The following RNF6 variants were observed in gnomAD, a reference collection of about 807,000 sequenced individuals.
RNF6 encodes the protein E3 ubiquitin-protein ligase RNF6.
Under a neutral mutation model 50.1 loss-of-function variants are expected in RNF6, and 21 were observed. The observed-to-expected ratio is 0.42, with a 90% CI of 0.30 to 0.60. The LOEUF (loss-of-function observed/expected upper bound fraction) is 0.60, where lower values mean the gene tolerates loss of function less well. RNF6 is among the 20% of genes least tolerant of loss of function. RNF6 has a pLI of 0.20. For synonymous variants in RNF6, 255 were observed against 291.8 expected, an observed-to-expected ratio of 0.87 and a Z score of 1.29; for missense variants, 698 against 838.2, an observed-to-expected ratio of 0.83 and a Z score of 2.07.
intron 5 of RNF6, among the ~76,000 whole-genome samples, chr13:26,161,800 G>A (rs891297255): frequency 2.6e-5 from 4 of 152,140 alleles, no homozygotes; most frequent in South Asian, 2.1e-4. Context: ...TCACCTCAAC[G>A]CACTCTTCCC....
intron 5 of RNF6, among the ~76,000 whole-genome samples, chr13:26,164,768 A>G (rs1318704607): frequency 1.3e-5 from 2 of 152,058 alleles, no homozygotes; most frequent in African/African-American, 4.8e-5. Flanking sequence ...CCCACGTATT[A>G]CTGTTTATTT....
chr13:26,221,771 G>A (rs182805743), intron 1 of RNF6: 1 of 152,322 alleles, frequency 6.6e-6, no homozygotes, highest in African/African-American at 2.4e-5. Flanking sequence ...GGCTCAAGAG[G>A]CCCAACCAAC....
At chr13:26,188,582 C>G (rs1873662090) in intron 5 of RNF6, among the ~76,000 whole-genome samples, 1 of 140,602 alleles carries the variant, frequency 7.1e-6, no homozygotes, top group Non-Finnish European at 1.5e-5. Context: ...CAGCTGTTCT[C>G]TCCCTTTTAG....
intron 5 of RNF6, among the ~76,000 whole-genome samples, chr13:26,137,093 C>A (rs1367290170): frequency 6.6e-6 from 1 of 152,122 alleles, no homozygotes; most frequent in Non-Finnish European, 1.5e-5. Flanking sequence ...TCCCAAAGAT[C>A]CATTACTGGA....
intron 5 of RNF6, among the ~76,000 whole-genome samples, chr13:26,153,160 GA>G (rs71080233): frequency 1.4e-5 from 2 of 146,166 alleles, no homozygotes; most frequent in East Asian, 2.0e-4. Context: ...CTCAAGAAAA[GA>G]AAAAAAAAAG....
At chr13:26,188,424 G>A (rs1226080017) in intron 5 of RNF6, among the ~76,000 whole-genome samples, 1 of 152,120 alleles carries the variant, frequency 6.6e-6, no homozygotes, top group African/African-American at 2.4e-5. Context: ...ACTGATCACT[G>A]TTGAATAACT....
intron 5 of RNF6, among the ~76,000 whole-genome samples, chr13:26,132,912 G>T (rs1015391855): frequency 6.6e-6 from 1 of 151,914 alleles, no homozygotes; most frequent in Admixed American, 6.6e-5. Context: ...TTTTTCTTTG[G>T]TGGTTCTGCG....
In RNF6 at chr13:26,214,555, G is replaced by A. The variant is rs1869629075; in HGVS notation, c.1327C>T (p.Arg443Ter). 3 of 1,614,098 alleles carry A rather than the reference G, an allele frequency of 1.9e-6. No homozygotes were observed. The highest frequency in any genetic ancestry group is 1.1e-5 in the South Asian group (1 of 91,068). Reference protein sequence around the residue: ...TIESNSGGFRRTISRLERSGI... With the variant: ...TIESNSGGFR ...GACCGCTCTAAACGAGAAATGGTTC[G>A]GCGAAAGCCCCCACTATTGCTTTCA... The change falls in exon 5 of 5, where the codon CGA (arginine) becomes TGA (stop). Residue 443 changes from arginine (R) to a stop codon, truncating the protein, a stop_gained. Transcript: ENST00000381588. LOFTEE classifies it high-confidence loss of function.
rs1258437789 is a variant in RNF6, at chr13:26,214,807, G to A, written c.1075C>T (p.Arg359Cys). Residue 359 changes from arginine to cysteine, a missense_variant, in exon 5 of 5, where the codon CGC becomes TGC. Physicochemically the swap from Arg to Cys is radical, Grantham distance 180 (BLOSUM62 -3). Transcript: ENST00000381588. ...VFLEQDRERE[R>C]RGTAYTPFSN... is the part of the protein sequence containing the mutation. ...AATGGGGTATATGCAGTACCTCTGC[G>A]TTCTCGTTCTCTATCTTGCTCTAAA... The A allele has an allele frequency of 3.1e-6, 5 of 1,614,138 alleles. No homozygotes were observed. Among genetic ancestry groups the A allele is most frequent in the African/African-American group, 1.3e-5 (1 of 75,026 alleles).
intron 5 of RNF6, among the ~76,000 whole-genome samples, chr13:26,145,455 G>T (rs945474399): frequency 6.6e-6 from 1 of 151,810 alleles, no homozygotes; most frequent in Admixed American, 6.6e-5. Flanking sequence ...TGGGGAGGGG[G>T]GGGGACTTCC....
In RNF6 at chr13:26,218,523, T is replaced by C; in HGVS notation, c.277A>G (p.Thr93Ala). The C allele has an allele frequency of 6.2e-7, 1 of 1,613,616 alleles. No individual in the cohort carries two copies. Among genetic ancestry groups the C allele is most frequent in the Non-Finnish European group, 8.5e-7 (1 of 1,179,584 alleles). The change falls in exon 4 of 5, where the codon ACG becomes GCG. Residue 93 changes from threonine (T) to alanine (A), a missense_variant. Physicochemically the swap from Thr to Ala is moderately conservative, Grantham distance 58 (BLOSUM62 0). Coordinates refer to ENST00000381588, the MANE Select transcript of RNF6 (RefSeq NM_005977.4). ...LASQPDLRDGTNYRDSEVPRE... is the reference protein window; with the variant it reads ...LASQPDLRDGANYRDSEVPRE... ...GACTCCATAGTACCTCTGTAATTCG[T>C]TCCATCTCTCAAGTCAGGCTGAGAT...
At chr13:26,148,632 T>TCTCTCTCTCTCTCTCTCTCTCTCTCTC (rs1427060316) in intron 5 of RNF6, among the ~76,000 whole-genome samples, 1 of 47,086 alleles carries the variant, frequency 2.1e-5, no homozygotes, top group African/African-American at 1.1e-4. Flanking sequence ...ATAAATCTCT[T>TCTCTCTCTCTCTCTCTCTCTCTCTCTC]TATATATATA....
At chr13:26,160,969 C>T (rs1298921518) in intron 5 of RNF6, among the ~76,000 whole-genome samples, 4 of 151,996 alleles carry the variant, frequency 2.6e-5, no homozygotes, top group African/African-American at 9.7e-5. Flanking sequence ...ATTTAATTAC[C>T]CCTTGGAAGA....
chr13:26,170,493 C>T (rs1355823298), intron 5 of RNF6, among the ~76,000 whole-genome samples: 2 of 43,646 alleles, frequency 4.6e-5, no homozygotes, highest in South Asian at 8.1e-4. Context: ...ACTATCCATG[C>T]GTGAAGATGG....
rs1315955619 is a variant in RNF6, at chr13:26,214,543, G to A, written c.1339C>T (p.Arg447Cys). Residue 447 changes from arginine (R) to cysteine (C), a missense_variant, in exon 5 of 5, where the codon CGT (arginine) becomes TGT (cysteine). Coordinates refer to ENST00000381588, the MANE Select transcript of RNF6 (RefSeq NM_005977.4). ...GTTCGAATACCTGACCGCTCTAAAC[G>A]AGAAATGGTTCGGCGAAAGCCCCCA... ...NSGGFRRTIS[R>C]LERSGIRTYV... 3.1e-6 allele frequency: 5 copies of A among 1,614,108 alleles called. No homozygotes were observed. The highest frequency in any genetic ancestry group is 3.4e-6 in the Non-Finnish European group (4 of 1,180,036).
At chr13:26,150,212 C>T (rs1293620910) in intron 5 of RNF6, among the ~76,000 whole-genome samples, 2 of 151,804 alleles carry the variant, frequency 1.3e-5, no homozygotes, top group Admixed American at 6.6e-5. Context: ...CGGATTTTGC[C>T]CCAACTTAAC....
chr13:26,175,360 C>T (rs746514181), intron 5 of RNF6, among the ~76,000 whole-genome samples: 25 of 152,170 alleles, frequency 1.6e-4, no homozygotes, highest in African/African-American at 7.2e-5. Flanking sequence ...GGATTACAGG[C>T]GTGAGCCACT....
chr13:26,136,760 C>T (rs1870665051), intron 5 of RNF6, among the ~76,000 whole-genome samples: 1 of 152,084 alleles, frequency 6.6e-6, no homozygotes, highest in East Asian at 1.9e-4. Context: ...AAAATATGGC[C>T]TCACTGGGGA....
At chr13:26,139,782 A>G (rs1427327804) in intron 5 of RNF6, among the ~76,000 whole-genome samples, 4 of 152,078 alleles carry the variant, frequency 2.6e-5, no homozygotes, top group African/African-American at 4.8e-5. Context: ...GCATATGTTT[A>G]CTCTTAAGTC....
Sources: allele counts gnomAD v4.1 joint callset (sites outside exome capture counted in the v4.1 genomes callset), GRCh38; gene constraint gnomAD v4.1.1; transcripts MANE v1.5; gene names NCBI Gene and HGNC (gene_info 2026-07-23, HGNC 2026-07-21).